Variants in PLXND1 observed in about 807,000 individuals in gnomAD.
PLXND1 encodes the protein plexin D1.
Under a neutral mutation model 197.7 loss-of-function variants are expected in PLXND1, and 54 were observed. The ratio of observed to expected loss-of-function variants is 0.27; its 90% CI spans 0.22 to 0.34. PLXND1 has a LOEUF of 0.34. PLXND1 is among the 10% of genes least tolerant of loss of function. PLXND1 has a pLI of 1.00. For synonymous variants in PLXND1, 1,180 were observed against 1,161.2 expected (o/e 1.02, Z -0.33); for missense variants, 2,127 against 2,699.2 (o/e 0.79, Z 4.70).
At chr3:129,559,013 C>T (rs952665217) in intron 32 of PLXND1, among the ~76,000 whole-genome samples, 1 of 152,102 alleles carries the variant, frequency 6.6e-6, no homozygotes, top group Non-Finnish European at 1.5e-5. Flanking sequence ...TGAGCAACAC[C>T]CCCACCCCCA....
chr3:129,601,981 C>T (rs544524441), intron 1 of PLXND1, among the ~76,000 whole-genome samples: 5 of 152,312 alleles, frequency 3.3e-5, no homozygotes, highest in Admixed American at 6.5e-5. Context: ...AATCTATTCC[C>T]GGGAGGCGGC....
Position 129,555,475 on chromosome 3 carries a change from C to T in PLXND1, c.*837G>A, listed in dbSNP as rs934091628. ...GCATGGGGAGCCTCTCGGGACCCCTCCCCGGGTCCTCTGCGCAAGCGGCAG... is the reference window on the plus strand; with the variant it reads ...GCATGGGGAGCCTCTCGGGACCCCTTCCCGGGTCCTCTGCGCAAGCGGCAG... On this transcript the variant is annotated 3_prime_UTR_variant, in exon 36 of 36. Coordinates refer to ENST00000324093, the MANE Select transcript of PLXND1 (RefSeq NM_015103.3). 1 of 680,362 alleles carries T rather than the reference C, an allele frequency of 1.5e-6. No individual in the cohort carries two copies. The highest frequency in any genetic ancestry group is 2.6e-6 in the Non-Finnish European group (1 of 379,412). 42.1% of individuals were successfully genotyped at this position (680,362 alleles called of 1,614,324 possible). A position where few individuals can be genotyped will look rare whatever the true frequency, so the allele number is the denominator to read the frequency against.
Position 129,605,415 on chromosome 3 carries a change from C to T in PLXND1, c.1225G>A (p.Val409Met), listed in dbSNP as rs889333181. The T allele has an allele frequency of 1.7e-5, 25 of 1,500,674 alleles. No individual in the cohort carries two copies. The highest frequency in any genetic ancestry group is 2.1e-5 in the Non-Finnish European group (24 of 1,132,750). 93.0% of individuals were successfully genotyped at this position (1,500,674 alleles called of 1,614,324 possible). A position where few individuals can be genotyped will look rare whatever the true frequency, so the allele number is the denominator to read the frequency against. The stretch of plus-strand genomic sequence containing the variant: ...GCCACCACGTCGGGCGCCGGTTCCA[C>T]GAAGCAGGCGGTGCGCGCAGCTCGG... ...AIRAARTACF[V>M]EPAPDVVAVL... Residue 409 changes from valine (V) to methionine (M), a missense_variant, in exon 1 of 36, where the codon GTG becomes ATG. Around this residue, in one of 6 missense-constraint regions of PLXND1, gnomAD observed 1,095 missense variants for 1,259.8 expected, o/e 0.87. Transcript: ENST00000324093.
rs1048166882 is a variant in PLXND1 at position 129,560,426 on chromosome 3, A to G, written c.5037T>C (p.Pro1679=). The G allele has an allele frequency of 1.5e-5, 24 of 1,612,330 alleles. No homozygotes were observed. Among genetic ancestry groups the G allele is most frequent in the Non-Finnish European group, 2.0e-5 (24 of 1,178,650 alleles). Residue 1679 remains proline (P), a synonymous_variant, in exon 31 of 36, where the codon CCT becomes CCC. Transcript: ENST00000324093. Reference sequence around the variant, plus strand: ...TCTTGGGCTCCGCCAGCTCGTCCGTAGGCAGCACCTGGGAGGCCGGGCAGT... The same window carrying G: ...TCTTGGGCTCCGCCAGCTCGTCCGTGGGCAGCACCTGGGAGGCCGGGCAGT... The part of the protein sequence containing the change: ...DTEKYFHLVL[P]TDELAEPKKS...
At chr3:129,603,504 CACT>C (rs1315589041) in intron 1 of PLXND1, among the ~76,000 whole-genome samples, 1 of 152,202 alleles carries the variant, frequency 6.6e-6, no homozygotes, top group East Asian at 1.9e-4. Flanking sequence ...AGCGACTCCC[CACT>C]GAGACCCCCA....
chr3:129,604,168 C>T (rs2085750450), intron 1 of PLXND1, among the ~76,000 whole-genome samples: 1 of 152,152 alleles, frequency 6.6e-6, no homozygotes, highest in Admixed American at 6.5e-5. Flanking sequence ...ACACCTGGGC[C>T]CCATGCCTGC....
In PLXND1 at chr3:129,563,169, G is replaced by A. The variant is rs549890191; in HGVS notation, c.4593C>T (p.Asp1531=). The A allele has an allele frequency of 1.1e-4, 179 of 1,611,652 alleles. 3 individuals are homozygous for A. The East Asian group carries it at 1.1e-3, about 10-fold the overall frequency. ...TGTAGCGGGCCTTGCCTGTGATGGCGTCGATGGAGCCCTTGTTGATTTGCT... is the reference window on the plus strand; with the variant it reads ...TGTAGCGGGCCTTGCCTGTGATGGCATCGATGGAGCCCTTGTTGATTTGCT... ...IKQQINKGSI[D]AITGKARYTL... is the part of the protein sequence containing the mutation. Residue 1531 remains aspartate, a synonymous_variant, in exon 26 of 36, where the codon GAC becomes GAT. Coordinates refer to ENST00000324093, the MANE Select transcript of PLXND1 (RefSeq NM_015103.3).
rs746371070 is a variant in PLXND1, at chr3:129,570,924, G to A, written c.3612C>T (p.Asp1204=). Residue 1204 remains aspartate (D), a synonymous_variant, in exon 19 of 36, where the codon GAC becomes GAT. Coordinates refer to ENST00000324093, the MANE Select transcript of PLXND1 (RefSeq NM_015103.3). ...ACTCGTGACTCTGGAGCCCCAGGCT[G>A]TCCTGCTCCTTCTGTGGGTGCAAAG... ...PLTLVIHKEQ[D]SLGLQSHEYR... 10 of 1,614,126 alleles carry A rather than the reference G, an allele frequency of 6.2e-6. No homozygotes were observed. Among genetic ancestry groups the A allele is most frequent in the Admixed American group, 5.0e-5 (3 of 60,012 alleles).
chr3:129,599,444 C>T (rs796484391), intron 1 of PLXND1, among the ~76,000 whole-genome samples: 12 of 152,342 alleles, frequency 7.9e-5, no homozygotes, highest in African/African-American at 1.9e-4. Flanking sequence ...ACTCACCTAG[C>T]GATGTGCGCC....
chr3:129,594,707 A>G (rs192732931), intron 1 of PLXND1, among the ~76,000 whole-genome samples: 45 of 152,322 alleles, frequency 3.0e-4, no homozygotes, highest in Admixed American at 7.2e-4. Flanking sequence ...AGTTGGGAGT[A>G]AAGAACAAAT....
intron 25 of PLXND1, among the ~76,000 whole-genome samples, chr3:129,564,448 C>T (rs1338119653): frequency 6.6e-6 from 1 of 152,236 alleles, no homozygotes; most frequent in Non-Finnish European, 1.5e-5. Flanking sequence ...GAGTTTGGGA[C>T]CAGCCTGTGC....
rs761918376 is a variant in PLXND1, at chr3:129,565,421, C to G, written c.4440G>C (p.Lys1480Asn). 6.8e-6 allele frequency: 11 copies of G among 1,614,144 alleles called. No homozygotes were observed. The highest frequency in any genetic ancestry group is 9.3e-6 in the Non-Finnish European group (11 of 1,180,026). Residue 1480 changes from lysine (K) to asparagine (N), a missense_variant, in exon 25 of 36, where the codon AAG becomes AAC. Transcript: ENST00000324093. ...LIDASAAKNP[K>N]LMLRRTESVV... The stretch of plus-strand genomic sequence containing the variant: ...CAGACTCTGTGCGCCGCAGCATGAG[C>G]TTGGGGTTCTTGGCGGCCGAGGCGT...
At chr3:129,585,743 G>C (rs2085449547) in intron 5 of PLXND1, among the ~76,000 whole-genome samples, 1 of 152,238 alleles carries the variant, frequency 6.6e-6, no homozygotes, top group Non-Finnish European at 1.5e-5. Flanking sequence ...GGTGTGTAAG[G>C]CCTAACGGAG....
intron 31 of PLXND1, among the ~76,000 whole-genome samples, chr3:129,560,096 G>A (rs1164656669): frequency 5.3e-5 from 8 of 152,226 alleles, no homozygotes; most frequent in Non-Finnish European, 1.0e-4. Context: ...ACCCTGTTAC[G>A]TGGGCTAACA....
chr3:129,556,951 G>A, intron 34 of PLXND1, 132 bp downstream of exon 34: 1 of 1,006,176 alleles, frequency 9.9e-7, no homozygotes, highest in Non-Finnish European at 1.5e-6. Flanking sequence ...AGGCCAGCAA[G>A]AGGCCACAGC....
In PLXND1 at chr3:129,578,448, G is replaced by A. The variant is rs1410702329; in HGVS notation, c.2242-15C>T. 4 of 1,507,028 alleles carry A rather than the reference G, an allele frequency of 2.7e-6. No homozygotes were observed. Among genetic ancestry groups the A allele is most frequent in the African/African-American group, 2.7e-5 (2 of 73,250 alleles). 93.4% of individuals were successfully genotyped at this position (1,507,028 alleles called of 1,614,324 possible). Reference sequence around the variant, plus strand: ...TCCTGAGGGCTCTGCAGAGGAAACAGAAGGAGAGGGTGACACAGGGGCATT... The same window carrying A: ...TCCTGAGGGCTCTGCAGAGGAAACAAAAGGAGAGGGTGACACAGGGGCATT... On this transcript the variant is annotated splice_polypyrimidine_tract_variant and intron_variant, in intron 8 of 35. Coordinates refer to ENST00000324093, the MANE Select transcript of PLXND1 (RefSeq NM_015103.3).
chr3:129,595,386 C>T (rs2085605344), intron 1 of PLXND1, among the ~76,000 whole-genome samples: 1 of 152,224 alleles, frequency 6.6e-6, no homozygotes, highest in South Asian at 2.1e-4. Flanking sequence ...GCCCCCATGC[C>T]AGGGAGGAGA....
chr3:129,565,093 G>A (rs1037759293), intron 25 of PLXND1, among the ~76,000 whole-genome samples: 8 of 152,360 alleles, frequency 5.3e-5, no homozygotes, highest in African/African-American at 1.7e-4. Flanking sequence ...CAAGGCCCCT[G>A]ACACAACCTC....
rs902748159 is a variant in PLXND1, at chr3:129,557,436, C to T, written c.5446-213G>A. On this transcript the variant is annotated intron_variant, in intron 33 of 35. Transcript: ENST00000324093. This position sits in a 1 kb window ranked among gnomAD's most constrained non-coding sequence, Gnocchi z 4.8. Reference sequence around the variant, plus strand: ...TGCTCTGTCTGCCCCGCCTACTTTCCCCAGGACTGTTAGGACAATGATGTG... The same window carrying T: ...TGCTCTGTCTGCCCCGCCTACTTTCTCCAGGACTGTTAGGACAATGATGTG... 6.6e-6 allele frequency among the ~76,000 whole-genome samples: 1 copy of T among 152,056 alleles called. No individual in the cohort carries two copies. The highest frequency in any genetic ancestry group is 6.5e-5 in the Admixed American group (1 of 15,270).
Sources: gnomAD v4.1 joint callset for allele counts (sites outside exome capture counted in the v4.1 genomes callset) on GRCh38, gnomAD v4.1.1 for gene constraint, gnomAD v4.1.1 regional missense constraint, Gnocchi (gnomAD v3.1) non-coding constraint, MANE v1.5 for transcripts, NCBI Gene and HGNC (gene_info 2026-07-23, HGNC 2026-07-21) for gene names.